The following YIPF3 variants were observed in gnomAD, a reference collection of about 807,000 sequenced individuals.
The protein encoded by YIPF3 is protein YIPF3.
Under a neutral mutation model 40.3 loss-of-function variants are expected in YIPF3, and 18 were observed. That is an observed-to-expected ratio of 0.45 (90% CI 0.31 to 0.66). YIPF3 has a LOEUF of 0.66. Among genes scored for constraint, YIPF3 ranks in the 30% least tolerant of loss-of-function variants. The pLI, the probability that YIPF3 is intolerant of heterozygous loss-of-function variation, is 0.07. For missense variants in YIPF3, 406 were observed against 452.2 expected (o/e 0.90, Z 0.93); for synonymous variants, 190 against 179.6 (o/e 1.06, Z -0.46).
At position 43,516,906 on chromosome 6, in the gene YIPF3, A is replaced by G; in HGVS notation, c.-99T>C. ...AAGGTAGACGTCCAGGGTCGAGGAG[A>G]GGTGGGATCGGCCGGAACACAAAAA... On this transcript the variant is annotated 5_prime_UTR_variant, in exon 1 of 9. Transcript: ENST00000372422. 5 of 1,369,772 alleles carry G rather than the reference A, an allele frequency of 3.7e-6. No individual in the cohort carries two copies. The highest frequency in any genetic ancestry group is 5.1e-6 in the Non-Finnish European group (5 of 985,030). 84.9% of individuals were successfully genotyped at this position (1,369,772 alleles called of 1,614,324 possible).
intron 1 of YIPF3, 66 bp downstream of exon 1, chr6:43,516,661 C>T: frequency 6.3e-7 from 1 of 1,582,368 alleles, no homozygotes; most frequent in South Asian, 1.1e-5. Context: ...GAGGGGGAAT[C>T]CCCAAGACAC....
At chr6:43,514,889 A>C (rs908436930) in intron 3 of YIPF3, among the ~76,000 whole-genome samples, 1 of 152,142 alleles carries the variant, frequency 6.6e-6, no homozygotes, top group African/African-American at 2.4e-5. Flanking sequence ...GATAAACAAG[A>C]CAGAGCCTGC....
At position 43,516,095 on chromosome 6, in the gene YIPF3, C is replaced by T; in HGVS notation, c.82G>A (p.Gly28Ser). Residue 28 changes from glycine (G) to serine (S), a missense_variant and splice_region_variant, in exon 2 of 9, where the codon GGC (glycine) becomes AGC (serine). Coordinates refer to ENST00000372422, the MANE Select transcript of YIPF3 (RefSeq NM_015388.4). ...EWGGFEENIQ[G>S]GGSAVIDMEN... ...ATGTCAATCACAGCTGAGCCTCCGC[C>T]CTGTGAAGACAATGGCTCCTAGAGT... 6.2e-7 allele frequency: 1 copy of T among 1,614,208 alleles called. No individual in the cohort carries two copies. Among genetic ancestry groups the T allele is most frequent in the Non-Finnish European group, 8.5e-7 (1 of 1,180,042 alleles).
Position 43,512,182 on chromosome 6 carries a change from G to A in YIPF3, c.1038C>T (p.Thr346=), listed in dbSNP as rs1179468481. Residue 346 remains threonine (T), a synonymous_variant, in exon 9 of 9, where the codon ACC becomes ACT. Transcript: ENST00000372422. ...TCAGGTGGGGTCAGTGTGACTGCAG[G>A]GTCACCGCAACAGCTTTGGCTGTGG... is the stretch of plus-strand genomic sequence containing the variant. ...LNATAKAVAV[T]LQSH 6.2e-7 allele frequency: 1 copy of A among 1,614,200 alleles called. No individual in the cohort carries two copies. The highest frequency in any genetic ancestry group is 2.2e-5 in the East Asian group (1 of 44,888).
Position 43,515,938 on chromosome 6 carries a change from A to T in YIPF3, c.239T>A (p.Leu80Gln), listed in dbSNP as rs1332502550. The change falls in exon 2 of 9, where the codon CTG becomes CAG. Residue 80 changes from leucine (L) to glutamine (Q), a missense_variant. Leu to Gln is a moderately radical substitution (Grantham distance 113, BLOSUM62 -2). Coordinates refer to ENST00000372422, the MANE Select transcript of YIPF3 (RefSeq NM_015388.4). ...AAAEEEDGEF[L>Q]GMKGFKGQLS... ...CTGTCCCTTAAAGCCCTTCATGCCC[A>T]GGAACTCTCCATCCTCCTCTTCAGC... 6.2e-7 allele frequency: 1 copy of T among 1,613,210 alleles called. No homozygotes were observed. The highest frequency in any genetic ancestry group is 1.7e-5 in the Admixed American group (1 of 59,854).
In YIPF3 at chr6:43,516,794, G is replaced by C; in HGVS notation, c.14C>G (p.Ala5Gly). Residue 5 changes from alanine (A) to glycine (G), a missense_variant, in exon 1 of 9, where the codon GCG (alanine) becomes GGG (glycine). Ala to Gly is a moderately conservative substitution (Grantham distance 60, BLOSUM62 0). Coordinates refer to ENST00000372422, the MANE Select transcript of YIPF3 (RefSeq NM_015388.4). Reference protein sequence around the residue: MATTAAPAGGARNGA... With the variant: MATTGAPAGGARNGA... ...ATTTCGGGCGCCGCCCGCCGGCGCC[G>C]CTGTAGTTGCCATGTCCCTTGAGGG... 1 of 1,578,896 alleles carries C rather than the reference G, an allele frequency of 6.3e-7. No homozygotes were observed. Among genetic ancestry groups the C allele is most frequent in the Non-Finnish European group, 8.6e-7 (1 of 1,162,204 alleles).
chr6:43,512,407 A>ATTCTCCCCCACCCAGACCTTCCTGCCACT, intron 8 of YIPF3, 33 bp downstream of exon 8: 9 of 1,614,016 alleles, frequency 5.6e-6, no homozygotes, highest in African/African-American at 1.3e-5. Context: ...CTGCTTTCCC[A>ATTCTCCCCCACCCAGACCTTCCTGCCACT]TTCTCCCCCA....
chr6:43,514,873 TA>T (rs1023259766), intron 3 of YIPF3, among the ~76,000 whole-genome samples: 1 of 152,092 alleles, frequency 6.6e-6, no homozygotes, highest in Non-Finnish European at 1.5e-5. Flanking sequence ...GTGCTGGGAA[TA>T]AAAAGATAAA....
At chr6:43,512,989 T>G in intron 6 of YIPF3, 80 bp downstream of exon 6, 1 of 1,596,652 alleles carries the variant, frequency 6.3e-7, no homozygotes, top group Non-Finnish European at 8.5e-7. Context: ...TTCCAGGCTT[T>G]GGGGCCCCAG....
intron 5 of YIPF3, 41 bp downstream of exon 5, chr6:43,513,318 C>G (rs762901265): frequency 1.2e-6 from 2 of 1,613,684 alleles, no homozygotes; most frequent in South Asian, 1.1e-5. Context: ...CAGCTTTCAA[C>G]CTAGTGCAGC....
At position 43,515,611 on chromosome 6, in the gene YIPF3, C is replaced by G; in HGVS notation, c.379G>C (p.Ala127Pro). ...GCTCCTCACCTGCTTCGCACCTGAG[C>G]AGGCTCCACATCAAAGTAGGGTCTG... ...ILRPYFDVEP[A>P]QVRSRLLESM... The change falls in exon 3 of 9, where the codon GCT (alanine) becomes CCT (proline). Residue 127 changes from alanine (A) to proline (P), a missense_variant. Transcript: ENST00000372422. 1.2e-6 allele frequency: 2 copies of G among 1,613,496 alleles called. No individual in the cohort carries two copies. The highest frequency in any genetic ancestry group is 1.7e-6 in the Non-Finnish European group (2 of 1,180,014).
intron 1 of YIPF3, 98 bp downstream of exon 1, chr6:43,516,629 A>G (rs1439496462): frequency 2.8e-6 from 4 of 1,408,936 alleles, no homozygotes; most frequent in Non-Finnish European, 3.9e-6. Context: ...AGTTTTGTAA[A>G]TGGAGCGGAC....
Position 43,512,842 on chromosome 6 carries a change from C to G in YIPF3, c.699G>C (p.Leu233=), listed in dbSNP as rs139466531. ...GGAGGTGGATATTATAGGTGATGAACAGGACAATGCAATGCCCAAAGAGGC... is the reference window on the plus strand; with the variant it reads ...GGAGGTGGATATTATAGGTGATGAAGAGGACAATGCAATGCCCAAAGAGGC... ...GYGLFGHCIV[L]FITYNIHLHA... Residue 233 remains leucine (L), a synonymous_variant, in exon 7 of 9, where the codon CTG becomes CTC. Coordinates refer to ENST00000372422, the MANE Select transcript of YIPF3 (RefSeq NM_015388.4). 5.0e-6 allele frequency: 8 copies of G among 1,613,954 alleles called. No homozygotes were observed. The highest frequency in any genetic ancestry group is 3.3e-4 in the Middle Eastern group (2 of 6,034).
In YIPF3 at chr6:43,513,585, C is replaced by T. The variant is rs1424649702; in HGVS notation, c.441+3G>A. 3 of 1,585,550 alleles carry T rather than the reference C, an allele frequency of 1.9e-6. No homozygotes were observed. The highest frequency in any genetic ancestry group is 2.6e-6 in the Non-Finnish European group (3 of 1,164,990). ...CTCTCCAGACATGCCACCCTCTATT[C>T]ACCTGGGGGAAGTTGACCATCTTGA... On this transcript the variant is annotated splice_donor_region_variant and intron_variant, in intron 4 of 8. Transcript: ENST00000372422.
chr6:43,515,062 G>C lies in YIPF3; in HGVS notation c.395+533C>G, dbSNP rs756196864. The stretch of plus-strand genomic sequence containing the variant: ...GGCTGAAGTGCAGTGGCACGATCTC[G>C]GCTCACTGCAAGCTCCGCCTCCGCC... On this transcript the variant is annotated intron_variant, in intron 3 of 8. Transcript: ENST00000372422. 7.0e-5 allele frequency: 22 copies of C among 312,734 alleles called. 1 individual carries two copies. The highest frequency in any genetic ancestry group is 1.4e-4 in the Non-Finnish European group (22 of 159,770). The allele number at this position is 312,734 out of a possible 1,614,324, so 19.4% of individuals were successfully genotyped here.
At chr6:43,512,648 C>G in intron 7 of YIPF3, 85 bp from the exon 8 acceptor site, 1 of 1,541,474 alleles carries the variant, frequency 6.5e-7, no homozygotes, top group Non-Finnish European at 8.7e-7. Flanking sequence ...GCAGAACCAT[C>G]TTTGGGCTCT....
In YIPF3 at chr6:43,512,193, C is replaced by A. The variant is rs772081934; in HGVS notation, c.1027G>T (p.Val343Phe). Reference sequence around the variant, plus strand: ...CAGTGTGACTGCAGGGTCACCGCAACAGCTTTGGCTGTGGCGTTGAGGACG... The same window carrying A: ...CAGTGTGACTGCAGGGTCACCGCAAAAGCTTTGGCTGTGGCGTTGAGGACG... Reference protein sequence around the residue: ...TTVLNATAKAVAVTLQSH With the variant: ...TTVLNATAKAFAVTLQSH Residue 343 changes from valine to phenylalanine, a missense_variant, in exon 9 of 9, where the codon GTT (valine) becomes TTT (phenylalanine). Val to Phe is a conservative substitution (Grantham distance 50, BLOSUM62 -1). Transcript: ENST00000372422. 5 of 1,614,116 alleles carry A rather than the reference C, an allele frequency of 3.1e-6. No individual in the cohort carries two copies. The African/African-American group carries it at 6.7e-5, about 22-fold the overall frequency.
In YIPF3 at chr6:43,515,689, C is replaced by T. The variant is rs1792796504; in HGVS notation, c.301G>A (p.Gly101Arg). The change falls in exon 3 of 9, where the codon GGG becomes AGG. Residue 101 changes from glycine to arginine, a missense_variant. By Grantham distance (125) the Gly-to-Arg change is moderately radical (BLOSUM62 -2). Coordinates refer to ENST00000372422, the MANE Select transcript of YIPF3 (RefSeq NM_015388.4). ...RQVADQMWQA[G>R]KRQASRAFSL... ...AAGGCCCTGGAGGCTTGTCTTTTCC[C>T]AGCCTGCCACATCTGAAGTAAGGAA... 6.2e-7 allele frequency: 1 copy of T among 1,614,018 alleles called. No individual in the cohort carries two copies. Among genetic ancestry groups the T allele is most frequent in the Non-Finnish European group, 8.5e-7 (1 of 1,180,044 alleles).
At chr6:43,516,363 T>C (rs1214727645) in intron 1 of YIPF3, 10 of 763,840 alleles carry the variant, frequency 1.3e-5, no homozygotes, top group Admixed American at 3.3e-5. Flanking sequence ...GCTGAAAAAG[T>C]GCCCATTTCC....
Sources: gnomAD v4.1 joint callset for allele counts (sites outside exome capture counted in the v4.1 genomes callset) on GRCh38, gnomAD v4.1.1 for gene constraint, MANE v1.5 for transcripts, NCBI Gene and HGNC (gene_info 2026-07-23, HGNC 2026-07-21) for gene names.